Variants in HGSNAT observed in about 807,000 individuals in gnomAD.
The protein encoded by HGSNAT is transmembrane protein 76.
Under a neutral mutation model 85.2 loss-of-function variants are expected in HGSNAT, and 59 were observed. That is an observed-to-expected ratio of 0.69 (90% CI 0.56 to 0.86). HGSNAT has a LOEUF of 0.86. Ranked by LOEUF, HGSNAT falls within the 40% of genes least tolerant of loss-of-function variation. The probability of loss-of-function intolerance (pLI) is 0.00; values close to 1 mark genes in which losing one functional copy is unlikely to be tolerated. For synonymous variants in HGSNAT, 321 were observed against 304.5 expected, an observed-to-expected ratio of 1.05 and a Z score of -0.56; for missense variants, 756 against 777.1, an observed-to-expected ratio of 0.97 and a Z score of 0.32.
intron 2 of HGSNAT, among the ~76,000 whole-genome samples, chr8:43,149,271 G>A (rs73631561): frequency 0.03 from 4,556 of 152,044 alleles, 219 homozygotes; most frequent in African/African-American, 0.1. Flanking sequence ...TAATCATAGT[G>A]GTAGAAAATA....
At chr8:43,153,180 G>GT (rs1802973882) in intron 2 of HGSNAT, among the ~76,000 whole-genome samples, 1 of 152,100 alleles carries the variant, frequency 6.6e-6, no homozygotes, top group Non-Finnish European at 1.5e-5. Flanking sequence ...ACAGACCAAT[G>GT]TAAGTGTGAG....
intron 2 of HGSNAT, among the ~76,000 whole-genome samples, chr8:43,148,954 A>G (rs930734223): frequency 6.6e-6 from 1 of 151,464 alleles, no homozygotes; most frequent in Non-Finnish European, 1.5e-5. Context: ...CGACTCTACT[A>G]AAAATACAAA....
At chr8:43,180,038 C>T (rs1237118689) in intron 10 of HGSNAT, among the ~76,000 whole-genome samples, 2 of 103,184 alleles carry the variant, frequency 1.9e-5, no homozygotes, top group African/African-American at 9.1e-5. Context: ...ACCTCCCAGA[C>T]GGGGCGGCTG....
intron 10 of HGSNAT, among the ~76,000 whole-genome samples, chr8:43,179,346 G>A (rs1174843382): frequency 5.5e-5 from 8 of 145,288 alleles, no homozygotes; most frequent in Admixed American, 4.7e-4. Context: ...TCCTGGATAG[G>A]GCGGCTGGCT....
rs138091664 is a variant in HGSNAT at position 43,196,527 on chromosome 8, C to T, written c.1465-421C>T. The T allele has an allele frequency of 1.1e-3, 1,356 of 1,290,338 alleles. 12 individuals carry two copies. In the African/African-American group the frequency reaches 0.017, roughly 16 times the overall value. The allele number at this position is 1,290,338 out of a possible 1,614,324, so 79.9% of individuals were successfully genotyped here. The stretch of plus-strand genomic sequence containing the variant: ...GGGCCCTGCCTGGAAGTAAGAGCCA[C>T]GGAGCCTGCCCAGGTGCCCCTTCTC... On this transcript the variant is annotated intron_variant, in intron 14 of 17. Coordinates refer to ENST00000379644, the MANE Select transcript of HGSNAT (RefSeq NM_152419.3).
intron 2 of HGSNAT, among the ~76,000 whole-genome samples, chr8:43,150,866 T>TAAATAAATAAATAAAA (rs1345243473): frequency 1.4e-3 from 198 of 137,464 alleles, no homozygotes; most frequent in African/African-American, 5.1e-3. Flanking sequence ...AATAAATAAA[T>TAAATAAATAAATAAAA]AAAATAAAAT....
chr8:43,140,553 C>A lies in HGSNAT; in HGVS notation c.57C>A (p.Ser19Arg). 1 of 1,193,606 alleles carries A rather than the reference C, an allele frequency of 8.4e-7. No homozygotes were observed. The highest frequency in any genetic ancestry group is 4.0e-5 in the Admixed American group (1 of 24,710). The allele number at this position is 1,193,606 out of a possible 1,614,324, so 73.9% of individuals were successfully genotyped here. The stretch of plus-strand genomic sequence containing the variant: ...TGCTGCTGGCCGCGTCCGTGCTGAG[C>A]GCCGCGCTGCTGGCCCCCGGCGGCT... Reference protein sequence around the residue: ...AALLLAASVLSAALLAPGGSS... With the variant: ...AALLLAASVLRAALLAPGGSS... The change falls in exon 1 of 18, where the codon AGC becomes AGA. Residue 19 changes from serine to arginine, a missense_variant. Coordinates refer to ENST00000379644, the MANE Select transcript of HGSNAT (RefSeq NM_152419.3).
At chr8:43,173,606 T>C in intron 8 of HGSNAT, 107 bp from the exon 9 acceptor site, 1 of 1,228,506 alleles carries the variant, frequency 8.1e-7, no homozygotes, top group Non-Finnish European at 1.2e-6. Flanking sequence ...TCACTGCGCC[T>C]CCCCTGGGTT....
intron 3 of HGSNAT, 35 bp from the exon 4 acceptor site, chr8:43,158,888 T>C: frequency 6.3e-7 from 1 of 1,585,490 alleles, no homozygotes; most frequent in Non-Finnish European, 8.6e-7. Flanking sequence ...TTTTCTAATC[T>C]AACCACTTGT....
intron 8 of HGSNAT, among the ~76,000 whole-genome samples, chr8:43,173,499 G>A (rs549277677): frequency 1.3e-5 from 2 of 152,028 alleles, no homozygotes; most frequent in African/African-American, 4.8e-5. Flanking sequence ...TAGTAGAGAC[G>A]GAGTTTGATC....
At position 43,159,731 on chromosome 8, in the gene HGSNAT, T is replaced by C. The variant is rs142519889; in HGVS notation, c.493+687T>C. Reference sequence around the variant, plus strand: ...CAAATATCTCTCCTTGTTTTAGGAGTGAGCGTATAGTATTTCCTGTATATC... The same window carrying C: ...CAAATATCTCTCCTTGTTTTAGGAGCGAGCGTATAGTATTTCCTGTATATC... On this transcript the variant is annotated intron_variant, in intron 4 of 17. Transcript: ENST00000379644. 4.3e-3 allele frequency among the ~76,000 whole-genome samples: 657 copies of C among 152,138 alleles called. 4 individuals carry two copies. Among genetic ancestry groups the C allele is most frequent in the African/African-American group, 0.015 (628 of 41,490 alleles).
In HGSNAT at chr8:43,184,113, T is replaced by C. The variant is rs537010765; in HGVS notation, c.1128+1853T>C. On this transcript the variant is annotated intron_variant, in intron 11 of 17. Transcript: ENST00000379644. The stretch of plus-strand genomic sequence containing the variant: ...ATAAACATACGTGTGCATGTGTCTT[T>C]ATAGCAGCATGATTTATAATCCTTT... 4.4e-3 allele frequency among the ~76,000 whole-genome samples: 664 copies of C among 152,254 alleles called. 7 individuals are homozygous for C. Among genetic ancestry groups the C allele is most frequent in the African/African-American group, 0.015 (635 of 41,564 alleles).
At chr8:43,187,594 C>A (rs1439665279) in intron 11 of HGSNAT, among the ~76,000 whole-genome samples, 3 of 152,202 alleles carry the variant, frequency 2.0e-5, no homozygotes, top group African/African-American at 7.2e-5. Flanking sequence ...GACTCTTTAT[C>A]CAATTTGCCA....
At chr8:43,155,725 G>T (rs911113774) in intron 2 of HGSNAT, among the ~76,000 whole-genome samples, 2 of 152,172 alleles carry the variant, frequency 1.3e-5, no homozygotes, top group African/African-American at 4.8e-5. Flanking sequence ...AATCCATTTT[G>T]AGTTGGTTTG....
At chr8:43,162,913 C>T (rs548250523) in intron 5 of HGSNAT, among the ~76,000 whole-genome samples, 30 of 152,096 alleles carry the variant, frequency 2.0e-4, no homozygotes, top group African/African-American at 6.7e-4. Flanking sequence ...AGGCCGGGTA[C>T]GGTGGCTCAC....
intron 2 of HGSNAT, among the ~76,000 whole-genome samples, chr8:43,150,337 A>G (rs1045002068): frequency 2.6e-5 from 4 of 152,146 alleles, no homozygotes; most frequent in Non-Finnish European, 5.9e-5. Context: ...CTAAAAAAAG[A>G]AGACTGAGCC....
At chr8:43,159,899 C>T (rs1000534071) in intron 4 of HGSNAT, among the ~76,000 whole-genome samples, 1 of 152,102 alleles carries the variant, frequency 6.6e-6, no homozygotes, top group Admixed American at 6.5e-5. Context: ...TAACAAATCC[C>T]TGTGGTGTGA....
intron 14 of HGSNAT, among the ~76,000 whole-genome samples, chr8:43,194,791 T>TG (rs766049514): frequency 3.3e-5 from 5 of 152,168 alleles, no homozygotes; most frequent in Admixed American, 6.5e-5. Context: ...GTTGCCCTTA[T>TG]GAAAGAGAAG....
At chr8:43,197,122 C>T in intron 15 of HGSNAT, 97 bp downstream of exon 15, 1 of 779,664 alleles carries the variant, frequency 1.3e-6, no homozygotes. Context: ...TAGCCATTGT[C>T]ACCACATGGC....
Sources: gnomAD v4.1 joint callset for allele counts (sites outside exome capture counted in the v4.1 genomes callset) on GRCh38, gnomAD v4.1.1 for gene constraint, MANE v1.5 for transcripts, NCBI Gene and HGNC (gene_info 2026-07-23, HGNC 2026-07-21) for gene names.